Variants in TG observed in about 807,000 individuals in gnomAD.
The protein encoded by TG is thyroid hormones.
In TG, 270 loss-of-function variants were observed where a neutral mutation model predicts 324.7. The ratio of observed to expected loss-of-function variants is 0.83; its 90% CI spans 0.75 to 0.92. The LOEUF (loss-of-function observed/expected upper bound fraction) is 0.92, where lower values mean the gene tolerates loss of function less well. Ranked by LOEUF, TG falls within the 40% of genes least tolerant of loss-of-function variation. The probability of loss-of-function intolerance (pLI) is 0.00; values close to 1 mark genes in which losing one functional copy is unlikely to be tolerated. For synonymous variants in TG, 1,401 were observed against 1,327.0 expected (o/e 1.06, Z -1.21); for missense variants, 3,591 against 3,456.4 (o/e 1.04, Z -0.98).
chr8:133,132,640 A>G (rs1487038791), intron 46 of TG, among the ~76,000 whole-genome samples: 2 of 152,200 alleles, frequency 1.3e-5, no homozygotes, highest in African/African-American at 4.8e-5. Context: ...CCCTGGAAAG[A>G]TAAAAAGGTG....
intron 25 of TG, among the ~76,000 whole-genome samples, chr8:132,940,158 A>G (rs1824236765): frequency 6.6e-6 from 1 of 152,102 alleles, no homozygotes; most frequent in South Asian, 2.1e-4. Context: ...AAACCTCTCT[A>G]TGACGTCCAG....
chr8:132,986,403 TG>T (rs1831554250), intron 35 of TG, among the ~76,000 whole-genome samples: 1 of 97,886 alleles, frequency 1.0e-5, no homozygotes. Context: ...TGTATATATA[TG>T]TATGTGTATA....
At chr8:132,878,269 T>C (rs1441637761) in intron 5 of TG, among the ~76,000 whole-genome samples, 2 of 152,110 alleles carry the variant, frequency 1.3e-5, no homozygotes, top group Non-Finnish European at 2.9e-5. Flanking sequence ...CCATCTGACT[T>C]GACAATGTCC....
At chr8:133,096,177 A>G (rs750254844) in intron 42 of TG, 29 bp from the exon 43 acceptor site, 2 of 1,613,698 alleles carry the variant, frequency 1.2e-6, no homozygotes, top group African/African-American at 1.3e-5. Flanking sequence ...TTATTCCAGG[A>G]CAACTGATTA....
intron 23 of TG, among the ~76,000 whole-genome samples, 200 bp downstream of exon 23, chr8:132,929,392 A>G (rs1376694565): frequency 1.3e-5 from 2 of 152,230 alleles, no homozygotes; most frequent in Non-Finnish European, 2.9e-5. Flanking sequence ...TATCTACTGT[A>G]TGCTATCCAC....
At position 132,954,157 on chromosome 8, in the gene TG, A is replaced by G. The variant is rs113719007; in HGVS notation, c.5401+5214A>G. Among the ~76,000 whole-genome samples the G allele has an allele frequency of 7.7e-3, 1,179 of 152,222 alleles. 11 individuals are homozygous for G. Among genetic ancestry groups the G allele is most frequent in the African/African-American group, 0.027 (1,121 of 41,512 alleles). On this transcript the variant is annotated intron_variant, in intron 27 of 47. Transcript: ENST00000220616. Reference sequence around the variant, plus strand: ...CATTATCTTGGGGTGCCAGGACCTCAGTGGAGAAAGTTACAGTACACCTGT... The same window carrying G: ...CATTATCTTGGGGTGCCAGGACCTCGGTGGAGAAAGTTACAGTACACCTGT...
intron 25 of TG, among the ~76,000 whole-genome samples, chr8:132,936,414 A>G (rs928994449): frequency 1.3e-5 from 2 of 152,198 alleles, no homozygotes; most frequent in African/African-American, 4.8e-5. Context: ...GTAAGGTGCA[A>G]ACCTGAGTTA....
At chr8:133,047,544 G>A (rs1030781429) in intron 41 of TG, 21 of 449,208 alleles carry the variant, frequency 4.7e-5, no homozygotes, top group Non-Finnish European at 7.0e-5. Context: ...TACACACTGC[G>A]TTCAGTTTTG....
chr8:132,945,850 G>A (rs1825189937), intron 26 of TG, among the ~76,000 whole-genome samples: 1 of 152,172 alleles, frequency 6.6e-6, no homozygotes, highest in Non-Finnish European at 1.5e-5. Context: ...GTTCAAACAA[G>A]GTGATTCCTG....
At chr8:132,897,611 G>T (rs774077959) in intron 11 of TG, 38 bp from the exon 12 acceptor site, 2 of 1,613,778 alleles carry the variant, frequency 1.2e-6, no homozygotes, top group Non-Finnish European at 8.5e-7. Context: ...ACACAGAGCA[G>T]GTGGTCATAT....
chr8:133,010,707 GA>G (rs1218126075), intron 35 of TG, among the ~76,000 whole-genome samples: 1 of 152,158 alleles, frequency 6.6e-6, no homozygotes, highest in African/African-American at 2.4e-5. Flanking sequence ...AACTTAAGTG[GA>G]AACTCAGGAT....
At chr8:133,087,091 C>T (rs1002408583) in intron 41 of TG, among the ~76,000 whole-genome samples, 8 of 146,216 alleles carry the variant, frequency 5.5e-5, no homozygotes, top group African/African-American at 1.8e-4. Flanking sequence ...CACACACACA[C>T]ACACACACAC....
intron 8 of TG, 50 bp downstream of exon 8, chr8:132,883,049 T>C (rs1015921394): frequency 6.9e-6 from 11 of 1,589,992 alleles, no homozygotes; most frequent in Non-Finnish European, 9.4e-6. Flanking sequence ...CATATTACTT[T>C]GGCGGTCCTC....
chr8:132,888,590 G>A, intron 10 of TG, 22 bp downstream of exon 10: 2 of 1,575,082 alleles, frequency 1.3e-6, no homozygotes, highest in Non-Finnish European at 1.7e-6. Flanking sequence ...CATATGAAGA[G>A]TTAAATGTGT....
intron 1 of TG, 103 bp downstream of exon 1, chr8:132,867,170 C>A: frequency 1.0e-6 from 1 of 1,002,300 alleles, no homozygotes. Context: ...TTAATCTTCA[C>A]AAATTCCCAC....
In TG at chr8:132,901,404, G is replaced by C. The variant is rs1386576388; in HGVS notation, c.3485G>C (p.Ser1162Thr). ...AGTGGAGTCCTCTCCAGGAGAGTCAGCCCAGGCTATGTCCCAGCCTGCAGG... is the reference window on the plus strand; with the variant it reads ...AGTGGAGTCCTCTCCAGGAGAGTCACCCCAGGCTATGTCCCAGCCTGCAGG... ...LKSGVLSRRVSPGYVPACRAE... is the reference protein window; with the variant it reads ...LKSGVLSRRVTPGYVPACRAE... Residue 1162 changes from serine to threonine, a missense_variant, in exon 16 of 48, where the codon AGC (serine) becomes ACC (threonine). Transcript: ENST00000220616. 6.2e-7 allele frequency: 1 copy of C among 1,614,216 alleles called. No homozygotes were observed. The highest frequency in any genetic ancestry group is 1.3e-5 in the African/African-American group (1 of 75,076).
intron 35 of TG, among the ~76,000 whole-genome samples, chr8:133,005,967 A>G (rs995079196): frequency 3.3e-5 from 5 of 152,116 alleles, no homozygotes; most frequent in African/African-American, 9.7e-5. Context: ...TTCTCCCTGC[A>G]CTGGAGGAAA....
intron 39 of TG, 59 bp from the exon 40 acceptor site, chr8:133,021,932 C>G: frequency 5.6e-6 from 9 of 1,608,418 alleles, no homozygotes; most frequent in Non-Finnish European, 7.7e-6. Context: ...AATCAGGCTC[C>G]AAGCATGGGA....
rs540765467 is a variant in TG, at chr8:133,023,022, A to G, written c.7036+872A>G. On this transcript the variant is annotated intron_variant, in intron 40 of 47. Transcript: ENST00000220616. ...TTGAGTTTTGCACATCTTCGAGGAT[A>G]GTGACTGCTTCATCTCTGTTTCCCA... Among the ~76,000 whole-genome samples the G allele has an allele frequency of 2.7e-4, 41 of 152,368 alleles. No homozygotes were observed. The South Asian group carries it at 8.1e-3, about 30-fold the overall frequency.
Sources: allele counts gnomAD v4.1 joint callset (sites outside exome capture counted in the v4.1 genomes callset), GRCh38; gene constraint gnomAD v4.1.1; transcripts MANE v1.5; gene names NCBI Gene and HGNC (gene_info 2026-07-23, HGNC 2026-07-21).